ETV5: variants seen among roughly 807,000 people sequenced by gnomAD.
The protein encoded by ETV5 is ETS translocation variant 5.
Under a neutral mutation model 70.0 loss-of-function variants are expected in ETV5, and 10 were observed. The observed-to-expected ratio is 0.14, with a 90% CI of 0.09 to 0.24. The LOEUF (loss-of-function observed/expected upper bound fraction) is 0.24, where lower values mean the gene tolerates loss of function less well. Among genes scored for constraint, ETV5 ranks in the 10% least tolerant of loss-of-function variants. The pLI is 1.00. For synonymous variants in ETV5, 216 were observed against 242.2 expected, an observed-to-expected ratio of 0.89 and a Z score of 1.01; for missense variants, 453 against 651.2, an observed-to-expected ratio of 0.70 and a Z score of 3.31.
chr3:186,106,471 T>C (rs1252485437), intron 1 of ETV5, among the ~76,000 whole-genome samples: 3 of 152,182 alleles, frequency 2.0e-5, no homozygotes, highest in Non-Finnish European at 2.9e-5. Flanking sequence ...CTGGAATAAA[T>C]TGATCAGAGG....
chr3:186,057,034 AACAAATCAAAACCC>A lies in ETV5; in HGVS notation c.1209+27_1209+40del, dbSNP rs1388679915. Reference sequence around the variant, plus strand: ...CTAAACAAAAAACATCATCAACAACAACAAATCAAAACCCGTCTGAGTCCAGCATCCAGTGCATA... The same window carrying A: ...CTAAACAAAAAACATCATCAACAACAGTCTGAGTCCAGCATCCAGTGCATA... On this transcript the variant is annotated intron_variant, in intron 11 of 12. Transcript: ENST00000306376. The surrounding 1 kb of genome is among the most constrained non-coding windows in gnomAD (Gnocchi z 4.9). 25 of 1,591,922 alleles carry A rather than the reference AACAAATCAAAACCC, an allele frequency of 1.6e-5. No homozygotes were observed. The highest frequency in any genetic ancestry group is 2.1e-5 in the Non-Finnish European group (24 of 1,165,822).
intron 9 of ETV5, among the ~76,000 whole-genome samples, chr3:186,063,140 G>A (rs1193817279): frequency 2.6e-5 from 4 of 151,830 alleles, no homozygotes; most frequent in Non-Finnish European, 4.4e-5. Flanking sequence ...CGTGGTGGCG[G>A]GCGCCTGTAG....
intron 9 of ETV5, among the ~76,000 whole-genome samples, chr3:186,062,012 G>A (rs1380316509): frequency 6.6e-6 from 1 of 152,110 alleles, no homozygotes; most frequent in East Asian, 1.9e-4. Context: ...CCTTTACCCA[G>A]AAATTTCAGA....
intron 7 of ETV5, among the ~76,000 whole-genome samples, chr3:186,078,566 A>T (rs924156728): frequency 2.0e-5 from 3 of 152,210 alleles, no homozygotes; most frequent in African/African-American, 7.2e-5. Context: ...TACATAAAAA[A>T]CCAAGTAACC....
chr3:186,100,015 C>T (rs1033505625), intron 5 of ETV5, among the ~76,000 whole-genome samples: 1 of 152,132 alleles, frequency 6.6e-6, no homozygotes, highest in Non-Finnish European at 1.5e-5. Flanking sequence ...ACAGATGGCT[C>T]CTTTAAGTAA....
At chr3:186,094,328 A>T (rs369204064) in intron 5 of ETV5, among the ~76,000 whole-genome samples, 2 of 152,206 alleles carry the variant, frequency 1.3e-5, no homozygotes, top group Non-Finnish European at 2.9e-5. Flanking sequence ...CTATCACTGA[A>T]TAGCTGCATC....
chr3:186,074,384 T>G (rs1713720184), intron 7 of ETV5, among the ~76,000 whole-genome samples: 1 of 152,142 alleles, frequency 6.6e-6, no homozygotes, highest in African/African-American at 2.4e-5. Context: ...AGCAGTAAAT[T>G]CTTCAAAAAG....
At chr3:186,102,478 C>T (rs1217454541) in intron 5 of ETV5, among the ~76,000 whole-genome samples, 1 of 151,744 alleles carries the variant, frequency 6.6e-6, no homozygotes, top group Non-Finnish European at 1.5e-5. Flanking sequence ...ACTAAAAATA[C>T]AAAAATTAGC....
At chr3:186,064,199 T>G (rs1713378810) in intron 9 of ETV5, 1 of 585,286 alleles carries the variant, frequency 1.7e-6, no homozygotes, top group South Asian at 2.1e-5. Flanking sequence ...TGCAAAATAA[T>G]TGAAGATTAC....
In ETV5 at chr3:186,105,695, T is replaced by A. The variant is rs770669598; in HGVS notation, c.63A>T (p.Glu21Asp). The change falls in exon 3 of 13, where the codon GAA becomes GAT. Residue 21 changes from glutamate to aspartate, a missense_variant. Physicochemically the swap from Glu to Asp is conservative, Grantham distance 45. This residue lies in a region of ETV5 where 47 missense variants were observed against 96.8 expected (regional missense o/e 0.49). Transcript: ENST00000306376. This position sits in a 1 kb window ranked among gnomAD's most constrained non-coding sequence, Gnocchi z 4.5. ...FMVPGKSRSE[E>D]CRGRPVIDRK... Reference sequence around the variant, plus strand: ...TGTCAATCACAGGCCGCCCTCTGCATTCCTCAGATCGAGATTTCTGAAAGA... The same window carrying A: ...TGTCAATCACAGGCCGCCCTCTGCAATCCTCAGATCGAGATTTCTGAAAGA... 6.2e-7 allele frequency: 1 copy of A among 1,614,176 alleles called. No homozygotes were observed. Among genetic ancestry groups the A allele is most frequent in the South Asian group, 1.1e-5 (1 of 91,082 alleles).
At chr3:186,099,938 T>G (rs1714409764) in intron 5 of ETV5, among the ~76,000 whole-genome samples, 1 of 151,966 alleles carries the variant, frequency 6.6e-6, no homozygotes, top group East Asian at 1.9e-4. Flanking sequence ...CACAGAAGGG[T>G]AAGAGAAAAA....
At chr3:186,103,710 C>T (rs956978377) in intron 5 of ETV5, among the ~76,000 whole-genome samples, 2 of 151,746 alleles carry the variant, frequency 1.3e-5, no homozygotes, top group African/African-American at 2.4e-5. Flanking sequence ...GCAAGCTTCC[C>T]AATCACTCGA....
At chr3:186,050,515 G>C (rs377144772) in intron 12 of ETV5, among the ~76,000 whole-genome samples, 57 of 152,190 alleles carry the variant, frequency 3.7e-4, no homozygotes, top group East Asian at 1.9e-4. Context: ...GGACAATGGG[G>C]AGTGGCTGCT....
At chr3:186,066,275 A>AAAAAAAAAAG (rs1713442835) in intron 7 of ETV5, among the ~76,000 whole-genome samples, 1 of 151,202 alleles carries the variant, frequency 6.6e-6, no homozygotes, top group Non-Finnish European at 1.5e-5. Flanking sequence ...AAAAAAAAAA[A>AAAAAAAAAAG]AAAAATCAAA....
intron 1 of ETV5, among the ~76,000 whole-genome samples, chr3:186,107,525 T>TTC (rs1714616337): frequency 6.6e-6 from 1 of 152,014 alleles, no homozygotes; most frequent in Non-Finnish European, 1.5e-5. Context: ...TTCTAAAAAA[T>TTC]TAAAAGAAAT....
intron 7 of ETV5, among the ~76,000 whole-genome samples, chr3:186,072,897 G>A (rs532861873): frequency 2.0e-5 from 3 of 152,306 alleles, no homozygotes; most frequent in Admixed American, 2.0e-4. Flanking sequence ...CACTTTGGGA[G>A]GCCAAGGCAG....
In ETV5 at chr3:186,054,972, G is replaced by A. The variant is rs575107419; in HGVS notation, c.1209+2103C>T. The stretch of plus-strand genomic sequence containing the variant: ...ATTTCCTGAAGAAACAAAGCTGCCC[G>A]GTCAACCGAGGGAGGCTCAAGGACA... On this transcript the variant is annotated intron_variant, in intron 11 of 12. Coordinates refer to ENST00000306376, the MANE Select transcript of ETV5 (RefSeq NM_004454.3). This position sits in a 1 kb window ranked among gnomAD's most constrained non-coding sequence, Gnocchi z 4.4. 2.0e-5 allele frequency among the ~76,000 whole-genome samples: 3 copies of A among 152,300 alleles called. No homozygotes were observed. The highest frequency in any genetic ancestry group is 2.1e-4 in the South Asian group (1 of 4,826).
In ETV5 at chr3:186,063,284, CAAA is replaced by C. The variant is rs374088289; in HGVS notation, c.970+1130_970+1132del. The stretch of plus-strand genomic sequence containing the variant: ...GACTCCGTCTCAACAACAACAACAA[CAAA>C]AAAAGATGAAAAAAAGCAAGCTCCT... On this transcript the variant is annotated intron_variant, in intron 9 of 12. Transcript: ENST00000306376. Among the ~76,000 whole-genome samples, 345 of 151,964 alleles carry C rather than the reference CAAA, an allele frequency of 2.3e-3. 4 individuals carry two copies. Among genetic ancestry groups the C allele is most frequent in the African/African-American group, 7.7e-3 (320 of 41,502 alleles).
Position 186,069,831 on chromosome 3 carries a change from C to T in ETV5, c.651-3759G>A, listed in dbSNP as rs139074886. Among the ~76,000 whole-genome samples the T allele has an allele frequency of 1.9e-3, 287 of 152,126 alleles. 1 individual carries two copies. Among genetic ancestry groups the T allele is most frequent in the Admixed American group, 3.6e-3 (55 of 15,284 alleles). On this transcript the variant is annotated intron_variant, in intron 7 of 12. Coordinates refer to ENST00000306376, the MANE Select transcript of ETV5 (RefSeq NM_004454.3). ...GTATTCTTTTTATTTTTTGTTGAGA[C>T]GGCGTCTCGCTCTTGTCCAGATTGG...
Sources: gnomAD v4.1 joint callset for allele counts (sites outside exome capture counted in the v4.1 genomes callset) on GRCh38, gnomAD v4.1.1 for gene constraint, gnomAD v4.1.1 regional missense constraint, Gnocchi (gnomAD v3.1) non-coding constraint, MANE v1.5 for transcripts, NCBI Gene and HGNC (gene_info 2026-07-23, HGNC 2026-07-21) for gene names.